The following UBE2E1 variants were observed in gnomAD, a reference collection of about 807,000 sequenced individuals.
UBE2E1 encodes the protein ubiquitin-conjugating enzyme E2 E1.
In UBE2E1, 6 loss-of-function variants were observed where a neutral mutation model predicts 21.4. The ratio of observed to expected loss-of-function variants is 0.28; its 90% CI spans 0.15 to 0.55. The LOEUF (loss-of-function observed/expected upper bound fraction) is 0.55. UBE2E1 is among the 20% of genes least tolerant of loss of function. UBE2E1 has a pLI of 0.93. For missense variants in UBE2E1, 142 were observed against 236.5 expected, an observed-to-expected ratio of 0.60 and a Z score of 2.62; for synonymous variants, 87 against 82.7, an observed-to-expected ratio of 1.05 and a Z score of -0.28.
At chr3:23,888,690 AGT>A (rs2125332249) in intron 4 of UBE2E1, among the ~76,000 whole-genome samples, 1 of 152,286 alleles carries the variant, frequency 6.6e-6, no homozygotes, top group Non-Finnish European at 1.5e-5. Context: ...TTGTTTGCTA[AGT>A]ATGTTGTTTA....
intron 3 of UBE2E1, among the ~76,000 whole-genome samples, chr3:23,845,561 T>TTCTCTCTCTCTCTCTCTCTC (rs144798695): frequency 2.9e-5 from 4 of 137,014 alleles, no homozygotes; most frequent in South Asian, 5.2e-4. Flanking sequence ...CTGTTTTGGT[T>TTCTCTCTCTCTCTCTCTCTC]TCTCTCTCTC....
rs1364000870 is a variant in UBE2E1 at position 23,806,946 on chromosome 3, C to G, written c.-33-291C>G. On this transcript the variant is annotated intron_variant, in intron 1 of 5. Coordinates refer to ENST00000306627, the MANE Select transcript of UBE2E1 (RefSeq NM_003341.5). The surrounding 1 kb of genome is among the most constrained non-coding windows in gnomAD (Gnocchi z 6.5). ...CGCCCCCCGCCCTGCCCTCCTTCGC[C>G]TCCCGGGCTACTCCCTCCCTGCCCA... The G allele has an allele frequency of 4.9e-6, 1 of 203,634 alleles. No homozygotes were observed. The highest frequency in any genetic ancestry group is 1.1e-4 in the East Asian group (1 of 9,382). 12.6% of individuals were successfully genotyped at this position (203,634 alleles called of 1,614,324 possible).
rs908113337 is a variant in UBE2E1, at chr3:23,863,074, A to G, written c.204-24493A>G. On this transcript the variant is annotated intron_variant, in intron 3 of 5. Transcript: ENST00000306627. This position sits in a 1 kb window ranked among gnomAD's most constrained non-coding sequence, Gnocchi z 4.3. ...TTTGTTAAAAAAAAAAAAAAAAACT[A>G]TTCCCAGCATTTTGCTCTCTAGTGG... is the stretch of plus-strand genomic sequence containing the variant. Among the ~76,000 whole-genome samples the G allele has an allele frequency of 2.0e-5, 3 of 148,752 alleles. No individual in the cohort carries two copies. The highest frequency in any genetic ancestry group is 3.9e-4 in the East Asian group (2 of 5,160).
At position 23,808,269 on chromosome 3, in the gene UBE2E1, C is replaced by CT. The variant is rs1346968414; in HGVS notation, c.152+853dup. Among the ~76,000 whole-genome samples the CT allele has an allele frequency of 6.6e-6, 1 of 152,080 alleles. No homozygotes were observed. The highest frequency in any genetic ancestry group is 6.5e-5 in the Admixed American group (1 of 15,274). On this transcript the variant is annotated intron_variant, in intron 2 of 5. Transcript: ENST00000306627. The surrounding 1 kb of genome is among the most constrained non-coding windows in gnomAD (Gnocchi z 4.9). ...CCTCTTAAGCCTCTGGAGGTAGCTA[C>CT]TTTTTACCCCTGCCATCCTTCAGTA...
intron 3 of UBE2E1, among the ~76,000 whole-genome samples, chr3:23,850,619 T>C (rs1700300984): frequency 6.6e-6 from 1 of 151,164 alleles, no homozygotes; most frequent in Non-Finnish European, 1.5e-5. Context: ...CAGGTGATGG[T>C]CCTGCCTCAG....
rs563905677 is a variant in UBE2E1, at chr3:23,836,675, C to T, written c.203+25165C>T. Among the ~76,000 whole-genome samples the T allele has an allele frequency of 6.6e-6, 1 of 152,206 alleles. No individual in the cohort carries two copies. Among genetic ancestry groups the T allele is most frequent in the South Asian group, 2.1e-4 (1 of 4,812 alleles). ...GATCTAGGGAAGTGAGGTGACTTTC[C>T]TAAAATGGCTCAGCTGAGGACTGGT... On this transcript the variant is annotated intron_variant, in intron 3 of 5. Transcript: ENST00000306627. This position sits in a 1 kb window ranked among gnomAD's most constrained non-coding sequence, Gnocchi z 4.1.
chr3:23,879,067 C>T (rs1160873244), intron 3 of UBE2E1: 2 of 499,992 alleles, frequency 4.0e-6, no homozygotes, highest in Non-Finnish European at 8.0e-6. Flanking sequence ...AACAATGTAT[C>T]AGTTCCTGAG....
At chr3:23,832,734 C>G (rs4535169) in intron 3 of UBE2E1, among the ~76,000 whole-genome samples, 1 of 151,724 alleles carries the variant, frequency 6.6e-6, no homozygotes, top group Non-Finnish European at 1.5e-5. Flanking sequence ...GACTTTGTCT[C>G]AAAAAAAGAA....
chr3:23,850,682 T>G (rs973664972), intron 3 of UBE2E1, among the ~76,000 whole-genome samples: 43 of 110,902 alleles, frequency 3.9e-4, no homozygotes, highest in Non-Finnish European at 7.0e-4. Flanking sequence ...CACCTGATTG[T>G]TTTTTTTTTT....
rs1700924871 is a variant in UBE2E1, at chr3:23,876,822, T to A, written c.204-10745T>A. Among the ~76,000 whole-genome samples, 1 of 152,120 alleles carries A rather than the reference T, an allele frequency of 6.6e-6. No homozygotes were observed. Among genetic ancestry groups the A allele is most frequent in the Non-Finnish European group, 1.5e-5 (1 of 68,022 alleles). ...TGCTTTCAGAGGCCAAGCAGAAGTA[T>A]CGCTTGAGCCCAGGAGTTCAAGACC... On this transcript the variant is annotated intron_variant, in intron 3 of 5. Coordinates refer to ENST00000306627, the MANE Select transcript of UBE2E1 (RefSeq NM_003341.5). The surrounding 1 kb of genome is among the most constrained non-coding windows in gnomAD (Gnocchi z 4.3).
In UBE2E1 at chr3:23,890,696, A is replaced by ATTCC; in HGVS notation, c.*90_*91insTTCC. The ATTCC allele has an allele frequency of 1.8e-6, 2 of 1,142,542 alleles. No homozygotes were observed. The highest frequency in any genetic ancestry group is 1.2e-6 in the Non-Finnish European group (1 of 805,442). The allele number at this position is 1,142,542 out of a possible 1,614,324, so 70.8% of individuals were successfully genotyped here. ...GGGGTCAGGGAGGGTGGGAGTTGGT[A>ATTCC]AAGAGTAGGGTATTTCTATAACAGA... On this transcript the variant is annotated 3_prime_UTR_variant, in exon 6 of 6. Transcript: ENST00000306627.
intron 3 of UBE2E1, among the ~76,000 whole-genome samples, chr3:23,855,359 A>G (rs534695420): frequency 1.8e-4 from 28 of 152,286 alleles, no homozygotes; most frequent in Non-Finnish European, 3.7e-4. Context: ...CATTAGTTAT[A>G]TGGGATTTTA....
At chr3:23,845,587 C>CTGTGTGTGTGTGTGTGTGTGTGTGTGTG (rs372552220) in intron 3 of UBE2E1, among the ~76,000 whole-genome samples, 6 of 115,486 alleles carry the variant, frequency 5.2e-5, no homozygotes, top group Admixed American at 9.6e-5. Flanking sequence ...CTCTCTCTCT[C>CTGTGTGTGTGTGTGTGTGTGTGTGTGTG]TCTGTGTGTG....
chr3:23,826,164 G>A (rs1438727367), intron 3 of UBE2E1, among the ~76,000 whole-genome samples: 1 of 152,148 alleles, frequency 6.6e-6, no homozygotes, highest in Non-Finnish European at 1.5e-5. Flanking sequence ...TGACCTTTAT[G>A]TAACAGTTCT....
In UBE2E1 at chr3:23,806,566, G is replaced by A. The variant is rs888305519; in HGVS notation, c.-34+478G>A. ...CTACAGGAGTGGCGATCGGGCGTGT[G>A]CTCCGGACCCCCGCCCGGCCGCATA... On this transcript the variant is annotated intron_variant, in intron 1 of 5. Coordinates refer to ENST00000306627, the MANE Select transcript of UBE2E1 (RefSeq NM_003341.5). This position sits in a 1 kb window ranked among gnomAD's most constrained non-coding sequence, Gnocchi z 6.5. 6.6e-5 allele frequency among the ~76,000 whole-genome samples: 10 copies of A among 151,390 alleles called. No individual in the cohort carries two copies. Among genetic ancestry groups the A allele is most frequent in the African/African-American group, 2.2e-4 (9 of 41,346 alleles).
At chr3:23,877,600 G>C (rs972312904) in intron 3 of UBE2E1, among the ~76,000 whole-genome samples, 2 of 152,298 alleles carry the variant, frequency 1.3e-5, no homozygotes, top group Admixed American at 6.5e-5. Flanking sequence ...GGTGGGGTAG[G>C]AGGCAAAATT....
chr3:23,865,603 C>G (rs1462302435), intron 3 of UBE2E1, among the ~76,000 whole-genome samples: 1 of 152,302 alleles, frequency 6.6e-6, no homozygotes, highest in South Asian at 2.1e-4. Context: ...GTCTGCCTGC[C>G]TCGGACTTCC....
chr3:23,858,555 G>T (rs191208590), intron 3 of UBE2E1, among the ~76,000 whole-genome samples: 108 of 152,242 alleles, frequency 7.1e-4, no homozygotes, highest in African/African-American at 1.4e-3. Flanking sequence ...CCTGACCTCA[G>T]ATGATCCACC....
chr3:23,860,384 G>A (rs1700528353), intron 3 of UBE2E1, among the ~76,000 whole-genome samples: 1 of 152,184 alleles, frequency 6.6e-6, no homozygotes, highest in Non-Finnish European at 1.5e-5. Context: ...TTGTGGCTTT[G>A]TGGGGCTCAT....
Sources: allele counts gnomAD v4.1 joint callset (sites outside exome capture counted in the v4.1 genomes callset), GRCh38; gene constraint gnomAD v4.1.1; non-coding constraint Gnocchi (gnomAD v3.1); transcripts MANE v1.5; gene names NCBI Gene and HGNC (gene_info 2026-07-23, HGNC 2026-07-21).